RRAS2: variants seen among roughly 807,000 people sequenced by gnomAD.
RRAS2 encodes the protein RAS related 2.
A neutral mutation model predicts 27.6 loss-of-function variants in RRAS2; 7 were observed. That is an observed-to-expected ratio of 0.25 (90% CI 0.14 to 0.48). The LOEUF (loss-of-function observed/expected upper bound fraction) is 0.48, where lower values mean the gene tolerates loss of function less well. RRAS2 is among the 20% of genes least tolerant of loss of function. The probability of loss-of-function intolerance (pLI) is 0.99; values close to 1 mark genes in which losing one functional copy is unlikely to be tolerated. For synonymous variants in RRAS2, 86 were observed against 90.9 expected (o/e 0.95, Z 0.31); for missense variants, 178 against 256.2 (o/e 0.69, Z 2.08).
intron 4 of RRAS2, among the ~76,000 whole-genome samples, chr11:14,292,007 AAG>A (rs1847406387): frequency 6.6e-6 from 1 of 152,226 alleles, no homozygotes; most frequent in South Asian, 2.1e-4. Context: ...ACAATATTTT[AAG>A]TAATTTTGTG....
intron 1 of RRAS2, among the ~76,000 whole-genome samples, chr11:14,306,586 A>C (rs1239545401): frequency 2.6e-5 from 4 of 152,116 alleles, no homozygotes; most frequent in African/African-American, 7.2e-5. Flanking sequence ...ACAACTCTCC[A>C]CAATTCCAAT....
At chr11:14,287,906 G>A (rs1314485638) in intron 4 of RRAS2, among the ~76,000 whole-genome samples, 3 of 150,970 alleles carry the variant, frequency 2.0e-5, no homozygotes, top group South Asian at 2.1e-4. Flanking sequence ...AGAAAAAAAC[G>A]AAATGTTAAT....
rs1554955780 is a variant in RRAS2, at chr11:14,358,422, A to C, written c.108+341T>G. ...TCCAGCCCCACGCCCGGACCCTCGG[A>C]GCAGTAAAGCCCGGCTCGGTGGCCC... On this transcript the variant is annotated intron_variant, in intron 1 of 5. Coordinates refer to ENST00000256196, the MANE Select transcript of RRAS2 (RefSeq NM_012250.6). This position sits in a 1 kb window ranked among gnomAD's most constrained non-coding sequence, Gnocchi z 5.1. 2.0e-6 allele frequency: 2 copies of C among 985,194 alleles called. No homozygotes were observed. Among genetic ancestry groups the C allele is most frequent in the East Asian group, 2.3e-4 (2 of 8,770 alleles). 61.0% of individuals were successfully genotyped at this position (985,194 alleles called of 1,614,324 possible).
chr11:14,332,856 A>G (rs1554952109), intron 1 of RRAS2, among the ~76,000 whole-genome samples: 3 of 152,232 alleles, frequency 2.0e-5, no homozygotes, highest in Non-Finnish European at 4.4e-5. Context: ...GCAACAGTAA[A>G]AATAAGAATC....
At chr11:14,327,500 T>C (rs1260673999) in intron 1 of RRAS2, among the ~76,000 whole-genome samples, 4 of 152,222 alleles carry the variant, frequency 2.6e-5, no homozygotes, top group Non-Finnish European at 5.9e-5. Flanking sequence ...TTATGTTACC[T>C]TCAGAAGCAT....
At chr11:14,297,678 C>T (rs1847588217) in intron 1 of RRAS2, among the ~76,000 whole-genome samples, 1 of 152,098 alleles carries the variant, frequency 6.6e-6, no homozygotes, top group Admixed American at 6.5e-5. Context: ...AGAAGAACTG[C>T]TTGAGCCCAG....
intron 1 of RRAS2, among the ~76,000 whole-genome samples, chr11:14,348,656 C>G (rs1361585824): frequency 6.6e-6 from 1 of 152,178 alleles, no homozygotes; most frequent in Non-Finnish European, 1.5e-5. Flanking sequence ...CAGGCTGGCT[C>G]CTGTGTCTCT....
chr11:14,333,411 C>T (rs1848521814), intron 1 of RRAS2, among the ~76,000 whole-genome samples: 3 of 152,086 alleles, frequency 2.0e-5, no homozygotes, highest in Non-Finnish European at 4.4e-5. Context: ...CTTATAAACT[C>T]AAGTTTTAAA....
chr11:14,328,916 G>A (rs1313331608), intron 1 of RRAS2, among the ~76,000 whole-genome samples: 11 of 150,386 alleles, frequency 7.3e-5, no homozygotes, highest in South Asian at 2.1e-4. Flanking sequence ...CACCGGCCTC[G>A]GCCTCCCAAA....
chr11:14,355,534 T>A (rs1849053893), intron 1 of RRAS2, among the ~76,000 whole-genome samples: 1 of 152,218 alleles, frequency 6.6e-6, no homozygotes, highest in South Asian at 2.1e-4. Context: ...TATTTATTTT[T>A]AAAAAGGAAA....
At chr11:14,289,645 T>C (rs1444492755) in intron 4 of RRAS2, among the ~76,000 whole-genome samples, 2 of 152,170 alleles carry the variant, frequency 1.3e-5, no homozygotes, top group African/African-American at 4.8e-5. Flanking sequence ...TAAACCTCAG[T>C]GACTATTCTG....
chr11:14,312,326 T>C (rs1171681219), intron 1 of RRAS2, among the ~76,000 whole-genome samples: 2 of 152,252 alleles, frequency 1.3e-5, no homozygotes, highest in Non-Finnish European at 2.9e-5. Context: ...ATACTATTCA[T>C]TTGACAAATA....
chr11:14,347,585 C>T (rs1465126144), intron 1 of RRAS2, among the ~76,000 whole-genome samples: 1 of 151,862 alleles, frequency 6.6e-6, no homozygotes, highest in Non-Finnish European at 1.5e-5. Context: ...TTTGGGAGGC[C>T]AAGACAGGAG....
At chr11:14,288,802 A>G (rs1554945416) in intron 4 of RRAS2, among the ~76,000 whole-genome samples, 1 of 152,222 alleles carries the variant, frequency 6.6e-6, no homozygotes, top group East Asian at 1.9e-4. Context: ...CAAATAGAAT[A>G]AACTACATTT....
intron 4 of RRAS2, among the ~76,000 whole-genome samples, chr11:14,289,151 T>C (rs1849745339): frequency 6.6e-6 from 1 of 152,216 alleles, no homozygotes; most frequent in Non-Finnish European, 1.5e-5. Context: ...CCTAGGAGGC[T>C]GTAGGGGGCA....
At chr11:14,319,470 T>G (rs1270977562) in intron 1 of RRAS2, among the ~76,000 whole-genome samples, 5 of 148,284 alleles carry the variant, frequency 3.4e-5, no homozygotes, top group Non-Finnish European at 7.4e-5. Context: ...GCCATTCTCC[T>G]GCCTCAGCCT....
intron 1 of RRAS2, among the ~76,000 whole-genome samples, chr11:14,309,793 G>A (rs555047030): frequency 6.6e-6 from 1 of 152,286 alleles, no homozygotes; most frequent in South Asian, 2.1e-4. Flanking sequence ...AAATTAACAG[G>A]GAGGCAGGCG....
At chr11:14,291,505 A>G (rs1554945794) in intron 4 of RRAS2, among the ~76,000 whole-genome samples, 1 of 152,192 alleles carries the variant, frequency 6.6e-6, no homozygotes, top group East Asian at 1.9e-4. Context: ...ATATATATAC[A>G]TCTAAGCTTT....
At chr11:14,361,795 T>C (rs1849194347), upstream of RRAS2, among the ~76,000 whole-genome samples, 1 of 152,234 alleles carries the variant, frequency 6.6e-6, no homozygotes, top group Admixed American at 6.5e-5. Context: ...AACTTGTTTG[T>C]GAATGTTATA....
Sources: allele counts gnomAD v4.1 joint callset (sites outside exome capture counted in the v4.1 genomes callset), GRCh38; gene constraint gnomAD v4.1.1; non-coding constraint Gnocchi (gnomAD v3.1); transcripts MANE v1.5; gene names NCBI Gene and HGNC (gene_info 2026-07-23, HGNC 2026-07-21).